The following MGST1 variants were observed in gnomAD, a reference collection of about 807,000 sequenced individuals.
MGST1 encodes microsomal glutathione S-transferase 1, also known as glutathione S-transferase 12.
A neutral mutation model predicts 8.9 loss-of-function variants in MGST1; 5 were observed. That is an observed-to-expected ratio of 0.56 (90% CI 0.29 to 1.19). MGST1 has a LOEUF of 1.19. MGST1 is among the 50% of genes most tolerant of loss of function. The probability of loss-of-function intolerance (pLI) is 0.08; values close to 1 mark genes in which losing one functional copy is unlikely to be tolerated. For synonymous variants in MGST1, 54 were observed against 67.8 expected (o/e 0.80, Z 1.00); for missense variants, 182 against 187.4 (o/e 0.97, Z 0.17).
rs1942381744 is a variant in MGST1 at position 16,560,935 on chromosome 12, A to G, written n.483-28593A>G. The stretch of plus-strand genomic sequence containing the variant: ...TGGGAAAGGAACCAACTAATGAATG[A>G]TTCACTACTTTTTGACATTTAGTTA... On this transcript the variant is annotated intron_variant and non_coding_transcript_variant, in intron 4 of 4. Transcript: ENST00000538857. The surrounding 1 kb of genome is among the most constrained non-coding windows in gnomAD (Gnocchi z 5.0). The G allele has an allele frequency of 5.3e-6, 1 of 187,282 alleles. No individual in the cohort carries two copies. Among genetic ancestry groups the G allele is most frequent in the Non-Finnish European group, 1.1e-5 (1 of 87,634 alleles). The allele number at this position is 187,282 out of a possible 1,614,324, so 11.6% of individuals were successfully genotyped here.
downstream of MGST1, among the ~76,000 whole-genome samples, chr12:16,366,614 T>C (rs1356932201): frequency 2.7e-5 from 4 of 146,938 alleles, no homozygotes; most frequent in Non-Finnish European, 6.0e-5. This position sits in a 1 kb window ranked among gnomAD's most constrained non-coding sequence, Gnocchi z 4.0. Flanking sequence ...TCTATCTGCA[T>C]GCATATCTGT....
In MGST1 at chr12:16,560,330, T is replaced by A; in HGVS notation, n.483-29198T>A. ...GCTGAGATTGATTGCTTTAAATGTA[T>A]GAATATAATTTCCACCTATTAAATA... On this transcript the variant is annotated intron_variant and non_coding_transcript_variant, in intron 4 of 4. Transcript: ENST00000538857. This position sits in a 1 kb window ranked among gnomAD's most constrained non-coding sequence, Gnocchi z 5.0. 1 of 1,416,490 alleles carries A rather than the reference T, an allele frequency of 7.1e-7. No individual in the cohort carries two copies. Among genetic ancestry groups the A allele is most frequent in the Non-Finnish European group, 9.6e-7 (1 of 1,040,066 alleles). The allele number at this position is 1,416,490 out of a possible 1,614,324, so 87.7% of individuals were successfully genotyped here. A position where few individuals can be genotyped will look rare whatever the true frequency, so the allele number is the denominator to read the frequency against.
chr12:16,558,758 A>G (rs1462395095), intron 4 of MGST1, among the ~76,000 whole-genome samples: 1 of 152,166 alleles, frequency 6.6e-6, no homozygotes, highest in Non-Finnish European at 1.5e-5. Context: ...CACTATTGTG[A>G]TACATGCCTT....
At chr12:16,556,583 GT>G (rs1942198822) in intron 4 of MGST1, among the ~76,000 whole-genome samples, 1 of 152,188 alleles carries the variant, frequency 6.6e-6, no homozygotes, top group Non-Finnish European at 1.5e-5. Context: ...CGTCAATAAA[GT>G]TTGCTTAAGA....
At chr12:16,402,987 A>G (rs1427133681) in intron 1 of MGST1, among the ~76,000 whole-genome samples, 1 of 150,650 alleles carries the variant, frequency 6.6e-6, no homozygotes, top group African/African-American at 2.4e-5. Context: ...TAAATTATCT[A>G]GTAATTAGAC....
intron 4 of MGST1, among the ~76,000 whole-genome samples, chr12:16,447,124 T>C (rs1171321925): frequency 6.6e-6 from 1 of 151,902 alleles, no homozygotes; most frequent in Non-Finnish European, 1.5e-5. Flanking sequence ...AGCAGAAAAT[T>C]TATGCCTTTC....
rs1339828411 is a variant in MGST1 at position 16,585,572 on chromosome 12, C to T, written n.483-3956C>T. Among the ~76,000 whole-genome samples, 1 of 152,190 alleles carries T rather than the reference C, an allele frequency of 6.6e-6. No individual in the cohort carries two copies. ...CCTTTCCTAAATTCCTCTCACTCAG[C>T]TATCTGAGCATCTCTCATGCATCAG... On this transcript the variant is annotated intron_variant and non_coding_transcript_variant, in intron 4 of 4. Transcript: ENST00000538857. This position sits in a 1 kb window ranked among gnomAD's most constrained non-coding sequence, Gnocchi z 4.7.
In MGST1 at chr12:16,401,052, T is replaced by C. The variant is rs1176478009; in HGVS notation, n.778+17448T>C. ...TTCCTGTTCTTTCTGTAAGTAATGC[T>C]GCCCGAGAACCTCTTCCCAAAAGGT... On this transcript the variant is annotated intron_variant and non_coding_transcript_variant, in intron 1 of 1. Transcript: ENST00000359720. The surrounding 1 kb of genome is among the most constrained non-coding windows in gnomAD (Gnocchi z 4.3). 3.8e-6 allele frequency: 6 copies of C among 1,592,736 alleles called. No homozygotes were observed. The highest frequency in any genetic ancestry group is 1.3e-5 in the African/African-American group (1 of 74,520).
chr12:16,395,792 T>C (rs868612433), intron 1 of MGST1, among the ~76,000 whole-genome samples: 10,587 of 123,818 alleles, frequency 0.086, 630 homozygotes, highest in East Asian at 0.27. Context: ...TATATATATA[T>C]ATATATATAT....
intron 4 of MGST1, among the ~76,000 whole-genome samples, chr12:16,476,525 C>T (rs1941324547): frequency 1.3e-5 from 2 of 152,282 alleles, no homozygotes; most frequent in African/African-American, 4.8e-5. Flanking sequence ...AAGACATGTT[C>T]CCTGCCCTCA....
At chr12:16,359,486 G>T (rs115788373) in intron 3 of MGST1, among the ~76,000 whole-genome samples, 1 of 152,254 alleles carries the variant, frequency 6.6e-6, no homozygotes, top group South Asian at 2.1e-4. Flanking sequence ...GAGTAAATCA[G>T]TGAGTCTTGA....
intron 1 of MGST1, among the ~76,000 whole-genome samples, chr12:16,394,874 G>A (rs1251253949): frequency 1.3e-5 from 2 of 152,024 alleles, no homozygotes; most frequent in South Asian, 4.2e-4. Flanking sequence ...TGGGATTACA[G>A]GTGTGAACAA....
At chr12:16,531,844 G>A (rs1249094109) in intron 4 of MGST1, among the ~76,000 whole-genome samples, 1 of 152,082 alleles carries the variant, frequency 6.6e-6, no homozygotes, top group Non-Finnish European at 1.5e-5. Context: ...CAGCTGCATG[G>A]GTCACATCAG....
Position 16,576,484 on chromosome 12 carries a change from C to T in MGST1, n.483-13044C>T, listed in dbSNP as rs991646443. On this transcript the variant is annotated intron_variant and non_coding_transcript_variant, in intron 4 of 4. Coordinates refer to the MGST1 transcript ENST00000538857. The surrounding 1 kb of genome is among the most constrained non-coding windows in gnomAD (Gnocchi z 4.1). ...TCAAATGTCAATGGATCTATGAAGC[C>T]TCTCTGATTTCCTTGAGGCAGAATA... 1.3e-5 allele frequency among the ~76,000 whole-genome samples: 2 copies of T among 152,134 alleles called. No individual in the cohort carries two copies. Among genetic ancestry groups the T allele is most frequent in the African/African-American group, 4.8e-5 (2 of 41,426 alleles).
intron 4 of MGST1, chr12:16,549,168 A>C (rs1941895833): frequency 6.6e-6 from 1 of 152,066 alleles, no homozygotes; most frequent in African/African-American, 2.4e-5. Context: ...CTTTTCACTG[A>C]TCTCTCCCCC....
intron 4 of MGST1, chr12:16,549,236 A>C (rs1391341792): frequency 5.9e-5 from 9 of 152,094 alleles, no homozygotes; most frequent in Admixed American, 2.0e-4. Flanking sequence ...CTTTCTCTTC[A>C]TGAAACAAGT....
intron 3 of MGST1, among the ~76,000 whole-genome samples, chr12:16,359,002 A>G (rs1231856790): frequency 6.6e-6 from 1 of 151,752 alleles, no homozygotes; most frequent in Non-Finnish European, 1.5e-5. Flanking sequence ...GCCTCTATGC[A>G]TGTTTCCATA....
Position 16,401,019 on chromosome 12 carries a change from T to A in MGST1, n.778+17415T>A. The A allele has an allele frequency of 6.4e-7, 1 of 1,566,594 alleles. No homozygotes were observed. The highest frequency in any genetic ancestry group is 8.8e-7 in the Non-Finnish European group (1 of 1,137,174). ...TGTGCTCTTCACTTCTCTTCTGCAGTCATTTCATTCCTGTTCTTTCTGTAA... is the reference window on the plus strand; with the variant it reads ...TGTGCTCTTCACTTCTCTTCTGCAGACATTTCATTCCTGTTCTTTCTGTAA... On this transcript the variant is annotated intron_variant and non_coding_transcript_variant, in intron 1 of 1. Transcript: ENST00000359720. The surrounding 1 kb of genome is among the most constrained non-coding windows in gnomAD (Gnocchi z 4.3).
intron 3 of MGST1, among the ~76,000 whole-genome samples, chr12:16,358,623 C>T (rs887145295): frequency 7.2e-5 from 11 of 151,752 alleles, no homozygotes; most frequent in African/African-American, 1.2e-4. Flanking sequence ...TGTGCCACCA[C>T]GCCCAGCTAA....
Sources: allele counts gnomAD v4.1 joint callset (sites outside exome capture counted in the v4.1 genomes callset), GRCh38; gene constraint gnomAD v4.1.1; non-coding constraint Gnocchi (gnomAD v3.1); transcripts MANE v1.5; gene names NCBI Gene and HGNC (gene_info 2026-07-23, HGNC 2026-07-21).